FMN2: variants seen among roughly 807,000 people sequenced by gnomAD.
FMN2 encodes the protein formin-2.
In FMN2, 51 loss-of-function variants were observed where a neutral mutation model predicts 142.3. That is an observed-to-expected ratio of 0.36 (90% CI 0.29 to 0.45). The LOEUF (loss-of-function observed/expected upper bound fraction) is 0.45. Ranked by LOEUF, FMN2 falls within the 20% of genes least tolerant of loss-of-function variation. The pLI is 1.00. For missense variants in FMN2, 1,936 were observed against 2,122.8 expected (o/e 0.91, Z 1.73); for synonymous variants, 882 against 869.8 (o/e 1.01, Z -0.25).
chr1:240,280,695 G>A (rs1669365047), intron 7 of FMN2, among the ~76,000 whole-genome samples: 1 of 152,160 alleles, frequency 6.6e-6, no homozygotes, highest in African/African-American at 2.4e-5. Flanking sequence ...ATAAAGTACA[G>A]TGCGTTGTTT....
chr1:240,315,434 G>T (rs981188127), intron 8 of FMN2, among the ~76,000 whole-genome samples: 2 of 152,102 alleles, frequency 1.3e-5, no homozygotes, highest in Non-Finnish European at 2.9e-5. Flanking sequence ...ATTTATTAAA[G>T]GAATAAATAG....
intron 8 of FMN2, among the ~76,000 whole-genome samples, chr1:240,309,249 T>C (rs1305958768): frequency 4.6e-5 from 7 of 151,868 alleles, no homozygotes; most frequent in South Asian, 2.1e-4. Context: ...GCAGATTTCA[T>C]TGGAGAAGGT....
chr1:240,092,492 C>T lies in FMN2; in HGVS notation c.383C>T (p.Ala128Val). Residue 128 changes from alanine to valine, a missense_variant, in exon 1 of 18, where the codon GCC becomes GTC. Physicochemically the swap from Ala to Val is moderately conservative, Grantham distance 64. Coordinates refer to ENST00000319653, the MANE Select transcript of FMN2 (RefSeq NM_020066.5). ...TPDLSLSADE[A>V]GLSDTECADP... is the part of the protein sequence containing the mutation. ...GACCTCAGCCTCTCGGCGGACGAGG[C>T]CGGCCTGTCGGATACCGAGTGTGCG... The T allele has an allele frequency of 6.2e-7, 1 of 1,607,114 alleles. No individual in the cohort carries two copies. The highest frequency in any genetic ancestry group is 8.5e-7 in the Non-Finnish European group (1 of 1,176,848).
intron 8 of FMN2, among the ~76,000 whole-genome samples, chr1:240,307,708 C>T (rs1032177518): frequency 6.6e-6 from 1 of 152,044 alleles, no homozygotes; most frequent in Non-Finnish European, 1.5e-5. Flanking sequence ...CTTAGGATTG[C>T]CTTGGCTATT....
At chr1:240,098,870 A>G (rs1661313617) in intron 1 of FMN2, among the ~76,000 whole-genome samples, 1 of 152,176 alleles carries the variant, frequency 6.6e-6, no homozygotes, top group Non-Finnish European at 1.5e-5. Flanking sequence ...AGCCATGCGT[A>G]TTTGAAATGG....
chr1:240,394,922 C>T (rs1446889951), intron 15 of FMN2, among the ~76,000 whole-genome samples: 2 of 152,072 alleles, frequency 1.3e-5, no homozygotes, highest in African/African-American at 2.4e-5. Flanking sequence ...GAGCTGAGAT[C>T]GCGCCACTGC....
At chr1:240,096,673 A>T (rs1275892343) in intron 1 of FMN2, among the ~76,000 whole-genome samples, 1 of 152,200 alleles carries the variant, frequency 6.6e-6, no homozygotes, top group African/African-American at 2.4e-5. Flanking sequence ...TTATATCTAT[A>T]AGCTTCCATA....
intron 8 of FMN2, among the ~76,000 whole-genome samples, chr1:240,306,900 C>T (rs1670427377): frequency 6.6e-6 from 1 of 152,196 alleles, no homozygotes; most frequent in African/African-American, 2.4e-5. Flanking sequence ...TTCACAACCT[C>T]TGTAACACCT....
At chr1:240,245,205 A>G (rs2102874823) in intron 6 of FMN2, 1 of 268,832 alleles carries the variant, frequency 3.7e-6, no homozygotes, top group Non-Finnish European at 7.3e-6. Flanking sequence ...AGAGTTTGTC[A>G]TTTTGAAAAT....
intron 16 of FMN2, among the ~76,000 whole-genome samples, chr1:240,461,571 A>G (rs150718453): frequency 3.6e-3 from 555 of 152,310 alleles, no homozygotes; most frequent in African/African-American, 0.012. Context: ...TGGGAAATAC[A>G]TTGCAAGTCA....
chr1:240,375,159 T>A (rs912073373), intron 14 of FMN2, among the ~76,000 whole-genome samples: 1 of 152,082 alleles, frequency 6.6e-6, no homozygotes, highest in Admixed American at 6.6e-5. Flanking sequence ...GTGGGCATAG[T>A]TTGTGGTGCC....
chr1:240,370,689 A>G (rs1341881588), intron 14 of FMN2, among the ~76,000 whole-genome samples: 1 of 151,940 alleles, frequency 6.6e-6, no homozygotes, highest in Non-Finnish European at 1.5e-5. Context: ...CATTGCATCA[A>G]CCTATCTCAG....
chr1:240,270,307 A>T (rs1369190468), intron 7 of FMN2, among the ~76,000 whole-genome samples: 1 of 152,174 alleles, frequency 6.6e-6, no homozygotes, highest in African/African-American at 2.4e-5. Context: ...AAGTTAATAT[A>T]GCCATTGTGG....
intron 6 of FMN2, among the ~76,000 whole-genome samples, chr1:240,216,568 T>C (rs1666904667): frequency 6.6e-6 from 1 of 152,172 alleles, no homozygotes; most frequent in African/African-American, 2.4e-5. Flanking sequence ...AAAAAATACA[T>C]AGTTAAATGT....
chr1:240,458,219 G>T (rs72769806), intron 16 of FMN2: 9,892 of 152,210 alleles, frequency 0.065, 408 homozygotes, highest in Middle Eastern at 0.14. Context: ...ATCCAGTAAA[G>T]GAAAAATTGT....
At chr1:240,174,148 A>G (rs1054810793) in intron 2 of FMN2, among the ~76,000 whole-genome samples, 27 of 152,302 alleles carry the variant, frequency 1.8e-4, no homozygotes, top group African/African-American at 5.5e-4. Flanking sequence ...ACCGAAGCTC[A>G]GGCTTAGAAG....
chr1:240,148,927 G>A (rs913182626), intron 2 of FMN2, among the ~76,000 whole-genome samples: 5 of 150,846 alleles, frequency 3.3e-5, no homozygotes, highest in South Asian at 4.2e-4. Flanking sequence ...AGTCTAGATC[G>A]CGCCACTGCA....
chr1:240,331,756 A>T (rs1572202037), intron 11 of FMN2, among the ~76,000 whole-genome samples: 1 of 152,216 alleles, frequency 6.6e-6, no homozygotes, highest in African/African-American at 2.4e-5. Context: ...AATACATCTA[A>T]CCTAGTAAAC....
intron 1 of FMN2, among the ~76,000 whole-genome samples, chr1:240,101,161 C>G (rs1234222074): frequency 6.6e-6 from 1 of 152,316 alleles, no homozygotes; most frequent in Non-Finnish European, 1.5e-5. Flanking sequence ...CATTTCTTGC[C>G]TCTTGTTAAT....
Sources: allele counts gnomAD v4.1 joint callset (sites outside exome capture counted in the v4.1 genomes callset), GRCh38; gene constraint gnomAD v4.1.1; transcripts MANE v1.5; gene names NCBI Gene and HGNC (gene_info 2026-07-23, HGNC 2026-07-21).